The following CENPP variants were observed in gnomAD, a reference collection of about 807,000 sequenced individuals.
CENPP encodes the protein centromere protein P.
A neutral mutation model predicts 35.6 loss-of-function variants in CENPP; 24 were observed. That is an observed-to-expected ratio of 0.67 (90% CI 0.49 to 0.95). CENPP has a LOEUF of 0.95. CENPP is among the 40% of genes least tolerant of loss of function. The pLI is 0.00. For synonymous variants in CENPP, 120 were observed against 125.5 expected (o/e 0.96, Z 0.29); for missense variants, 332 against 345.3 (o/e 0.96, Z 0.31).
At chr9:92,360,536 T>C (rs1290320415) in intron 4 of CENPP, among the ~76,000 whole-genome samples, 1 of 152,150 alleles carries the variant, frequency 6.6e-6, no homozygotes, top group Admixed American at 6.5e-5. Context: ...TATTGCACTT[T>C]AGCCTGGGAG....
chr9:92,529,333 T>G (rs1848602668), intron 5 of CENPP, among the ~76,000 whole-genome samples: 1 of 152,186 alleles, frequency 6.6e-6, no homozygotes, highest in African/African-American at 2.4e-5. Context: ...GTGGAGCAAC[T>G]GTAAGTCTCA....
In CENPP at chr9:92,392,350, A is replaced by T. The variant is rs902273481; in HGVS notation, c.564+12491A>T. Among the ~76,000 whole-genome samples, 7 of 152,172 alleles carry T rather than the reference A, an allele frequency of 4.6e-5. 1 individual carries two copies. The highest frequency in any genetic ancestry group is 8.8e-5 in the Non-Finnish European group (6 of 68,016). ...TTTAAAAAATACTTCCCTGCCGGGC[A>T]TGGTGGCTCACGCCTGTATTCCCAG... On this transcript the variant is annotated intron_variant, in intron 5 of 7. Transcript: ENST00000375587.
intron 5 of CENPP, among the ~76,000 whole-genome samples, chr9:92,511,641 T>C (rs954215996): frequency 9.2e-5 from 14 of 152,154 alleles, no homozygotes; most frequent in Non-Finnish European, 1.8e-4. Context: ...AGTGTCTTGC[T>C]GGCCTGAAAA....
intron 5 of CENPP, among the ~76,000 whole-genome samples, chr9:92,457,748 GTCTCTC>G (rs34077247): frequency 9.2e-5 from 14 of 151,678 alleles, no homozygotes; most frequent in Non-Finnish European, 1.8e-4. Context: ...ATGGGTCGCT[GTCTCTC>G]TCTCTCTCCA....
intron 5 of CENPP, chr9:92,465,046 A>T: frequency 6.5e-7 from 1 of 1,534,118 alleles, no homozygotes; most frequent in Non-Finnish European, 9.0e-7. Context: ...GGGGAGAATG[A>T]CATGACTTAG....
chr9:92,494,777 C>G (rs575616264), intron 5 of CENPP, among the ~76,000 whole-genome samples: 1 of 152,104 alleles, frequency 6.6e-6, no homozygotes, highest in Non-Finnish European at 1.5e-5. Flanking sequence ...AGTGGTGACG[C>G]ATGCCTATAG....
At chr9:92,501,679 A>G (rs978867806) in intron 5 of CENPP, among the ~76,000 whole-genome samples, 21 of 152,136 alleles carry the variant, frequency 1.4e-4, no homozygotes, top group African/African-American at 4.8e-4. Context: ...TTTTCACCTG[A>G]TGAAGACTTC....
At chr9:92,516,275 G>A (rs1156997271) in intron 5 of CENPP, among the ~76,000 whole-genome samples, 1 of 152,042 alleles carries the variant, frequency 6.6e-6, no homozygotes, top group Non-Finnish European at 1.5e-5. Flanking sequence ...ATGTTGACCA[G>A]GCTGGTCTCG....
At chr9:92,446,298 G>C (rs923739426) in intron 5 of CENPP, among the ~76,000 whole-genome samples, 8 of 152,144 alleles carry the variant, frequency 5.3e-5, no homozygotes, top group African/African-American at 1.9e-4. Flanking sequence ...TTCTCCAAGA[G>C]AGATATAACT....
In CENPP at chr9:92,496,523, T is replaced by A. The variant is rs776505176; in HGVS notation, c.565-114791T>A. On this transcript the variant is annotated intron_variant, in intron 5 of 7. Transcript: ENST00000375587. ...ACATGCAAGTCACACATGGTCCCAG[T>A]AATAATCTGCCTTTAGGAGTTAAGT... 7.6e-6 allele frequency: 12 copies of A among 1,583,136 alleles called. No homozygotes were observed. In the Admixed American group the frequency reaches 1.2e-4, roughly 16 times the overall value.
At chr9:92,605,661 AG>A (rs1851058231) in intron 5 of CENPP, among the ~76,000 whole-genome samples, 1 of 152,224 alleles carries the variant, frequency 6.6e-6, no homozygotes, top group African/African-American at 2.4e-5. Context: ...AATGGATCAA[AG>A]ACCTAACTTT....
intron 2 of CENPP, among the ~76,000 whole-genome samples, chr9:92,336,209 T>C (rs1313333293): frequency 6.6e-6 from 1 of 152,218 alleles, no homozygotes; most frequent in Non-Finnish European, 1.5e-5. Context: ...TGTGCAATTT[T>C]GGCAGGAAAA....
chr9:92,428,260 CTT>C (rs1343332220), intron 5 of CENPP, among the ~76,000 whole-genome samples: 1 of 152,176 alleles, frequency 6.6e-6, no homozygotes, highest in Admixed American at 6.5e-5. Context: ...TGACCACTCT[CTT>C]GTGTAAGCCA....
intron 5 of CENPP, among the ~76,000 whole-genome samples, chr9:92,391,172 G>A (rs901121787): frequency 2.6e-5 from 4 of 151,606 alleles, no homozygotes; most frequent in East Asian, 1.9e-4. Flanking sequence ...CAAGGTGGGC[G>A]GATCATGAGG....
chr9:92,558,183 C>T (rs994669585), intron 5 of CENPP, among the ~76,000 whole-genome samples: 12 of 152,238 alleles, frequency 7.9e-5, no homozygotes, highest in African/African-American at 1.9e-4. Flanking sequence ...TGCTGGTGAA[C>T]TAATGTGATT....
At chr9:92,546,311 A>G (rs1246474280) in intron 5 of CENPP, among the ~76,000 whole-genome samples, 1 of 152,224 alleles carries the variant, frequency 6.6e-6, no homozygotes, top group African/African-American at 2.4e-5. Flanking sequence ...TGCCCAAGCT[A>G]GCCCTGACAA....
intron 5 of CENPP, among the ~76,000 whole-genome samples, chr9:92,442,424 CAAAA>C (rs146138029): frequency 2.7e-4 from 36 of 135,506 alleles, no homozygotes; most frequent in African/African-American, 9.1e-4. Context: ...AAAGAAAAAA[CAAAA>C]AAAAACCACT....
chr9:92,357,539 G>T (rs1395209800), intron 4 of CENPP, among the ~76,000 whole-genome samples: 1 of 150,538 alleles, frequency 6.6e-6, no homozygotes, highest in Non-Finnish European at 1.5e-5. Context: ...TTGTTGCCCA[G>T]GCTGGAGTTC....
intron 5 of CENPP, chr9:92,517,301 T>C: frequency 3.7e-6 from 1 of 273,542 alleles, no homozygotes; most frequent in Non-Finnish European, 6.9e-6. Flanking sequence ...TACCCTGGCT[T>C]CAAGATGATA....
Sources: gnomAD v4.1 joint callset for allele counts (sites outside exome capture counted in the v4.1 genomes callset) on GRCh38, gnomAD v4.1.1 for gene constraint, MANE v1.5 for transcripts, NCBI Gene and HGNC (gene_info 2026-07-23, HGNC 2026-07-21) for gene names.